The following MORN3 variants were observed in gnomAD, a reference collection of about 807,000 sequenced individuals.
MORN3 encodes MORN repeat containing 3, also known as MORN repeat-containing protein 3.
A neutral mutation model predicts 34.7 loss-of-function variants in MORN3; 38 were observed. The observed-to-expected ratio is 1.10, with a 90% CI of 0.85 to 1.44. The LOEUF is 1.44. Among genes scored for constraint, MORN3 ranks in the 40% most tolerant of loss-of-function variants. The pLI is 0.00. For missense variants in MORN3, 311 were observed against 321.7 expected (o/e 0.97, Z 0.25); for synonymous variants, 109 against 115.3 (o/e 0.95, Z 0.35).
Position 121,669,444 on chromosome 12 carries a change from A to G in MORN3, c.40T>C (p.Trp14Arg). 1.2e-6 allele frequency: 2 copies of G among 1,613,580 alleles called. No homozygotes were observed. The highest frequency in any genetic ancestry group is 1.7e-6 in the Non-Finnish European group (2 of 1,179,744). Residue 14 changes from tryptophan (W) to arginine (R), a missense_variant, in exon 1 of 6, where the codon TGG becomes CGG. Coordinates refer to ENST00000355329, the MANE Select transcript of MORN3 (RefSeq NM_173855.5). ...SKCPKKSESL[W>R]KGWDRKAQRN... ...TGGGCCTTCCGGTCCCACCCCTTCC[A>G]CAGGGACTCCGACTTTTTTGGGCAC...
At chr12:121,652,914 G>T in intron 4 of MORN3, 106 bp from the exon 5 acceptor site, 1 of 1,449,594 alleles carries the variant, frequency 6.9e-7, no homozygotes, top group Non-Finnish European at 9.6e-7. Context: ...CTCATCAGGA[G>T]CCACCTCCCT....
intron 1 of MORN3, among the ~76,000 whole-genome samples, chr12:121,666,058 G>A (rs1396148559): frequency 6.6e-6 from 1 of 152,142 alleles, no homozygotes; most frequent in East Asian, 1.9e-4. Context: ...GGCTGGGCAT[G>A]ATGGCTCACA....
chr12:121,671,070 C>T (rs1343893060), upstream of MORN3, among the ~76,000 whole-genome samples: 1 of 145,360 alleles, frequency 6.9e-6, no homozygotes, highest in Non-Finnish European at 1.5e-5. Context: ...GAGATTGCAC[C>T]ACTGCACTCC....
rs916548333 is a variant in MORN3 at position 121,659,332 on chromosome 12, G to T, written c.162C>A (p.Val54=). Residue 54 remains valine (V), a synonymous_variant, in exon 2 of 6, where the codon GTC becomes GTA. Transcript: ENST00000355329. ...CATAGATGGCTCCTTTCTTCTTCCA[G>T]ACCTGTGTTCCTTTCCCTGGTGACA... ...DNVKHGKGTQ[V]WKKKGAIYEG... is the part of the protein sequence containing the mutation. The T allele has an allele frequency of 9.9e-6, 16 of 1,613,704 alleles. No homozygotes were observed. Among genetic ancestry groups the T allele is most frequent in the African/African-American group, 2.7e-5 (2 of 74,798 alleles).
intron 1 of MORN3, among the ~76,000 whole-genome samples, 174 bp downstream of exon 1, chr12:121,669,165 T>C (rs1893867486): frequency 6.6e-6 from 1 of 152,200 alleles, no homozygotes; most frequent in South Asian, 2.1e-4. Context: ...GCTGAGTTTG[T>C]TCAGAAGCCC....
intron 1 of MORN3, 96 bp from the exon 2 acceptor site, chr12:121,659,444 T>C: frequency 2.3e-6 from 3 of 1,281,096 alleles, no homozygotes; most frequent in Non-Finnish European, 3.3e-6. Context: ...ACTAGACGAA[T>C]CTAGAGAGCT....
chr12:121,656,811 G>C (rs1164440948), intron 2 of MORN3, among the ~76,000 whole-genome samples: 1 of 152,118 alleles, frequency 6.6e-6, no homozygotes, highest in Non-Finnish European at 1.5e-5. Context: ...GTGAGCCATT[G>C]TGCTTAGCCT....
intron 2 of MORN3, 109 bp from the exon 3 acceptor site, chr12:121,654,542 C>T: frequency 8.2e-7 from 1 of 1,216,524 alleles, no homozygotes; most frequent in East Asian, 2.6e-5. Flanking sequence ...CTTCCTTCTT[C>T]CTCAGCCCTA....
intron 1 of MORN3, among the ~76,000 whole-genome samples, chr12:121,668,582 C>T (rs1378254520): frequency 6.6e-6 from 1 of 152,060 alleles, no homozygotes; most frequent in Admixed American, 6.6e-5. Context: ...GGCACAGTGA[C>T]TCCCACTTGT....
In MORN3 at chr12:121,654,364, C is replaced by G; in HGVS notation, c.373G>C (p.Gly125Arg). 6.2e-7 allele frequency: 1 copy of G among 1,601,500 alleles called. No individual in the cohort carries two copies. The highest frequency in any genetic ancestry group is 1.1e-5 in the South Asian group (1 of 88,568). Residue 125 changes from glycine (G) to arginine (R), a missense_variant, in exon 3 of 6, where the codon GGG (glycine) becomes CGG (arginine). Gly to Arg is a moderately radical substitution (Grantham distance 125, BLOSUM62 -2). Coordinates refer to ENST00000355329, the MANE Select transcript of MORN3 (RefSeq NM_173855.5). ...EGDWCGSQRS[G>R]WGRMYYSNGD... ...TTGCTGTAATACATGCGGCCCCACC[C>G]GCTGCGCTGGCTGCCACACCAGTCA...
At chr12:121,668,481 C>T (rs931574560) in intron 1 of MORN3, among the ~76,000 whole-genome samples, 3 of 152,224 alleles carry the variant, frequency 2.0e-5, no homozygotes, top group Middle Eastern at 3.4e-3. Flanking sequence ...GTAGAGGTTG[C>T]GGTGAGCCAA....
At chr12:121,661,502 T>C (rs1290904377) in intron 1 of MORN3, among the ~76,000 whole-genome samples, 4 of 152,194 alleles carry the variant, frequency 2.6e-5, no homozygotes, top group Non-Finnish European at 5.9e-5. Flanking sequence ...CCCTCTGAGC[T>C]TTGTGACCTT....
intron 1 of MORN3, among the ~76,000 whole-genome samples, chr12:121,668,267 C>T (rs978926956): frequency 4.0e-5 from 6 of 151,726 alleles, no homozygotes; most frequent in South Asian, 4.2e-4. Context: ...TTGGGCTGGG[C>T]GCAGTGGCTA....
chr12:121,652,766 C>T lies in MORN3; in HGVS notation c.691G>A (p.Ala231Thr), dbSNP rs782420636. ...DPDGVLAEALAMFRKTEEGD is the reference protein window; with the variant it reads ...DPDGVLAEALTMFRKTEEGD ...CCTTCCTCTGTCTTCCTGAACATGG[C>T]CAAGGCCTCCGCCAGCACACCATCA... Residue 231 changes from alanine (A) to threonine (T), a missense_variant, in exon 5 of 6, where the codon GCC becomes ACC. Physicochemically the swap from Ala to Thr is moderately conservative, Grantham distance 58. Transcript: ENST00000355329. 8.7e-6 allele frequency: 14 copies of T among 1,614,234 alleles called. No homozygotes were observed. Among genetic ancestry groups the T allele is most frequent in the Middle Eastern group, 1.7e-4 (1 of 6,060 alleles).
chr12:121,657,107 T>C (rs529248231), intron 2 of MORN3, among the ~76,000 whole-genome samples: 21 of 152,340 alleles, frequency 1.4e-4, no homozygotes, highest in African/African-American at 4.8e-4. Context: ...AAGCTGTCCA[T>C]GTCCATTCCT....
chr12:121,660,540 G>A (rs1362724755), intron 1 of MORN3, among the ~76,000 whole-genome samples: 1 of 151,144 alleles, frequency 6.6e-6, no homozygotes, highest in African/African-American at 2.4e-5. Context: ...TAGTAGAGAC[G>A]GGGTTTTACC....
At chr12:121,664,348 A>G (rs1024619333) in intron 1 of MORN3, among the ~76,000 whole-genome samples, 3 of 152,224 alleles carry the variant, frequency 2.0e-5, no homozygotes, top group South Asian at 2.1e-4. Context: ...CAATATCAGA[A>G]GAAGGGCACT....
intron 1 of MORN3, among the ~76,000 whole-genome samples, chr12:121,661,753 G>C (rs558641694): frequency 2.0e-5 from 3 of 152,160 alleles, no homozygotes; most frequent in African/African-American, 7.2e-5. Flanking sequence ...GTGCTTGCCT[G>C]TAATCCCAGC....
chr12:121,648,936 AT>A lies in MORN3; in HGVS notation c.*2714del, dbSNP rs5801464. On this transcript the variant is annotated 3_prime_UTR_variant, in exon 6 of 6. Coordinates refer to ENST00000355329, the MANE Select transcript of MORN3 (RefSeq NM_173855.5). The stretch of plus-strand genomic sequence containing the variant: ...ATAAACAAGCACACCCTCTTCCAAC[AT>A]TTTTTTTTTTTTTGAGATGGAGTCT... The A allele has an allele frequency of 1.5e-3, 218 of 142,768 alleles. No homozygotes were observed. The highest frequency in any genetic ancestry group is 1.6e-3 in the Non-Finnish European group (104 of 64,784). 8.8% of individuals were successfully genotyped at this position (142,768 alleles called of 1,614,324 possible). A position where few individuals can be genotyped will look rare whatever the true frequency, so the allele number is the denominator to read the frequency against.
Sources: gnomAD v4.1 joint callset for allele counts (sites outside exome capture counted in the v4.1 genomes callset) on GRCh38, gnomAD v4.1.1 for gene constraint, MANE v1.5 for transcripts, NCBI Gene and HGNC (gene_info 2026-07-23, HGNC 2026-07-21) for gene names.